UBE2E3: variants seen among roughly 807,000 people sequenced by gnomAD.
The protein encoded by UBE2E3 is ubiquitin-conjugating enzyme E2 E3.
In UBE2E3, 5 loss-of-function variants were observed where a neutral mutation model predicts 23.6. The observed-to-expected ratio is 0.21, with a 90% confidence interval of 0.11 to 0.44. The LOEUF (loss-of-function observed/expected upper bound fraction) is 0.44. Ranked by LOEUF, UBE2E3 falls within the 20% of genes least tolerant of loss-of-function variation. The probability of loss-of-function intolerance (pLI) is 0.99; values close to 1 mark genes in which losing one functional copy is unlikely to be tolerated. For synonymous variants in UBE2E3, 78 were observed against 87.5 expected (o/e 0.89, Z 0.60); for missense variants, 81 against 249.8 (o/e 0.32, Z 4.55).
At chr2:181,000,821 G>C (rs1206451122) in intron 3 of UBE2E3, among the ~76,000 whole-genome samples, 2 of 152,110 alleles carry the variant, frequency 1.3e-5, no homozygotes, top group East Asian at 3.8e-4. Context: ...TCCAAAGTGA[G>C]AGTAACTTTT....
chr2:180,993,236 C>G (rs73037079), intron 3 of UBE2E3, among the ~76,000 whole-genome samples: 5,661 of 152,206 alleles, frequency 0.037, 288 homozygotes, highest in East Asian at 0.19. Context: ...TTGTAAAAAT[C>G]CCAGTTCCTT....
At chr2:181,059,562 G>A (rs780106800) in intron 4 of UBE2E3, among the ~76,000 whole-genome samples, 1 of 151,622 alleles carries the variant, frequency 6.6e-6, no homozygotes, top group Non-Finnish European at 1.5e-5. Context: ...ATTTCAACAT[G>A]TAATCCGTGT....
At chr2:180,983,655 C>T (rs1216492364) in intron 2 of UBE2E3, among the ~76,000 whole-genome samples, 2 of 152,204 alleles carry the variant, frequency 1.3e-5, no homozygotes, top group Non-Finnish European at 2.9e-5. Flanking sequence ...CAGTAAAAGT[C>T]ACTTCAAGTC....
intron 4 of UBE2E3, among the ~76,000 whole-genome samples, chr2:181,059,974 T>G (rs1687096580): frequency 6.6e-6 from 1 of 151,762 alleles, no homozygotes; most frequent in Admixed American, 6.6e-5. Context: ...TTTTGAGACT[T>G]GGCAGTGTTT....
At chr2:181,038,888 G>A (rs1347935186) in intron 3 of UBE2E3, among the ~76,000 whole-genome samples, 3 of 151,148 alleles carry the variant, frequency 2.0e-5, no homozygotes, top group Admixed American at 1.3e-4. Context: ...ACTACATACT[G>A]ACTAGAATGG....
intron 4 of UBE2E3, among the ~76,000 whole-genome samples, chr2:181,060,198 G>A (rs1411120469): frequency 6.6e-6 from 1 of 151,534 alleles, no homozygotes; most frequent in Non-Finnish European, 1.5e-5. Context: ...TCTAACGTTT[G>A]GTAAGAAATT....
At chr2:181,054,622 G>A (rs746224038) in intron 3 of UBE2E3, among the ~76,000 whole-genome samples, 18 of 151,770 alleles carry the variant, frequency 1.2e-4, no homozygotes, top group Non-Finnish European at 2.4e-4. Flanking sequence ...GTATATTTTT[G>A]ATAACAGTTC....
At chr2:181,042,197 T>C (rs1686533030) in intron 3 of UBE2E3, among the ~76,000 whole-genome samples, 1 of 152,204 alleles carries the variant, frequency 6.6e-6, no homozygotes, top group South Asian at 2.1e-4. Flanking sequence ...TGTTTGAAAA[T>C]TAATGTTTGC....
intron 3 of UBE2E3, among the ~76,000 whole-genome samples, chr2:181,007,477 A>G (rs1217076022): frequency 1.3e-5 from 2 of 151,636 alleles, no homozygotes; most frequent in Non-Finnish European, 2.9e-5. Flanking sequence ...GGAGATAAGT[A>G]AAACTGTGAA....
intron 3 of UBE2E3, among the ~76,000 whole-genome samples, chr2:181,039,123 C>CTTTTTTT (rs11289425): frequency 1.5e-5 from 1 of 66,248 alleles, no homozygotes; most frequent in Non-Finnish European, 2.8e-5. Flanking sequence ...AGAATGTGAC[C>CTTTTTTT]TTTTTTTTTT....
intron 3 of UBE2E3, among the ~76,000 whole-genome samples, chr2:181,013,687 G>A (rs548677081): frequency 6.6e-6 from 1 of 152,256 alleles, no homozygotes; most frequent in East Asian, 1.9e-4. Flanking sequence ...AAGAGAGGGA[G>A]CTCATGGGTG....
intron 3 of UBE2E3, among the ~76,000 whole-genome samples, chr2:181,021,590 T>TCCTTCCTTCCTCCCTC (rs1685689448): frequency 1.9e-5 from 1 of 52,452 alleles, no homozygotes; most frequent in Non-Finnish European, 3.7e-5. Flanking sequence ...CTCCCTTCCT[T>TCCTTCCTTCCTCCCTC]CCTCCCTCCC....
At chr2:181,043,704 C>G (rs752381320) in intron 3 of UBE2E3, among the ~76,000 whole-genome samples, 8 of 152,106 alleles carry the variant, frequency 5.3e-5, no homozygotes, top group Non-Finnish European at 1.0e-4. Flanking sequence ...GTTATTTCCA[C>G]CCATCCTCTT....
intron 3 of UBE2E3, among the ~76,000 whole-genome samples, chr2:181,002,404 G>C (rs1685017137): frequency 6.6e-6 from 1 of 152,072 alleles, no homozygotes; most frequent in South Asian, 2.1e-4. Flanking sequence ...TGTTTAAGCT[G>C]GCAGATACCT....
At chr2:180,986,026 C>T (rs574185365) in intron 3 of UBE2E3, among the ~76,000 whole-genome samples, 1 of 152,072 alleles carries the variant, frequency 6.6e-6, no homozygotes, top group African/African-American at 2.4e-5. Context: ...TTGTCTTTCT[C>T]TTTATATACC....
intron 2 of UBE2E3, among the ~76,000 whole-genome samples, chr2:180,983,642 C>T (rs1684368716): frequency 1.3e-5 from 2 of 152,166 alleles, no homozygotes; most frequent in Admixed American, 1.3e-4. Context: ...TTAATTTTTA[C>T]CTCAGTAAAA....
At chr2:181,005,509 G>A (rs992888290) in intron 3 of UBE2E3, among the ~76,000 whole-genome samples, 1 of 152,136 alleles carries the variant, frequency 6.6e-6, no homozygotes, top group South Asian at 2.1e-4. Flanking sequence ...AGTAAATGAA[G>A]CTGATGCTGA....
intron 3 of UBE2E3, among the ~76,000 whole-genome samples, chr2:181,035,893 G>T: frequency 6.6e-6 from 1 of 151,980 alleles, no homozygotes; most frequent in East Asian, 1.9e-4. Flanking sequence ...ATGGCCAGCT[G>T]TCTCAGAATT....
chr2:181,050,817 G>A (rs1686819982), intron 3 of UBE2E3, among the ~76,000 whole-genome samples: 2 of 151,958 alleles, frequency 1.3e-5, no homozygotes, highest in South Asian at 4.1e-4. Flanking sequence ...CTGGCAAAGA[G>A]TGGGCACTCC....
Sources: gnomAD v4.1 joint callset for allele counts (sites outside exome capture counted in the v4.1 genomes callset) on GRCh38, gnomAD v4.1.1 for gene constraint, MANE v1.5 for transcripts, NCBI Gene and HGNC (gene_info 2026-07-23, HGNC 2026-07-21) for gene names.